RFESD: variants seen among roughly 807,000 people sequenced by gnomAD.
The protein encoded by RFESD is Rieske Fe-S domain containing, also known as Rieske domain-containing protein.
In RFESD, 16 loss-of-function variants were observed where a neutral mutation model predicts 24.4. The ratio of observed to expected loss-of-function variants is 0.66; its 90% CI spans 0.44 to 1.00. RFESD has a LOEUF of 1.00. Among genes scored for constraint, RFESD ranks in the 50% least tolerant of loss-of-function variants. RFESD has a pLI of 0.00. For missense variants in RFESD, 208 were observed against 247.0 expected (o/e 0.84, Z 1.06); for synonymous variants, 59 against 81.8 (o/e 0.72, Z 1.50).
chr5:95,647,671 G>C (rs184757801), intron 1 of RFESD: 2 of 151,662 alleles, frequency 1.3e-5, no homozygotes, highest in African/African-American at 2.4e-5. Flanking sequence ...ACCATCTTTG[G>C]TGACAAATAT....
In RFESD at chr5:95,656,819, C is replaced by T. The variant is rs980374747; in HGVS notation, c.*510C>T. On this transcript the variant is annotated 3_prime_UTR_variant, in exon 6 of 6. Transcript: ENST00000380005. ...TATTTATACCTCTGTGGATTTGCTA[C>T]CTCTCCTATTTGATTGTTATTTTTA... The T allele has an allele frequency of 9.8e-5, 15 of 152,708 alleles. No individual in the cohort carries two copies. The highest frequency in any genetic ancestry group is 3.6e-4 in the African/African-American group (15 of 41,426). 9.5% of individuals were successfully genotyped at this position (152,708 alleles called of 1,614,324 possible).
chr5:95,654,455 G>A, intron 5 of RFESD, 88 bp downstream of exon 5: 1 of 870,438 alleles, frequency 1.1e-6, no homozygotes, highest in Non-Finnish European at 1.8e-6. Flanking sequence ...ATATTTTAAT[G>A]CTTTGAATAT....
intron 1 of RFESD, chr5:95,647,330 T>C (rs967768306): frequency 2.0e-5 from 3 of 152,272 alleles, no homozygotes; most frequent in African/African-American, 7.2e-5. Context: ...GCTAACGCGC[T>C]GTGAGCGTTT....
intron 5 of RFESD, among the ~76,000 whole-genome samples, chr5:95,654,854 A>G (rs213510): frequency 0.34 from 51,711 of 151,310 alleles, 8,760 homozygotes; most frequent in Middle Eastern, 0.42. Context: ...TTTTTACTGT[A>G]TACACTGTGC....
chr5:95,650,957 G>T (rs1036981300), intron 1 of RFESD, among the ~76,000 whole-genome samples: 1 of 152,016 alleles, frequency 6.6e-6, no homozygotes, highest in Admixed American at 6.6e-5. Context: ...AATTATCCGG[G>T]TGTGGTGGCG....
Position 95,656,399 on chromosome 5 carries a change from T to C in RFESD, c.*90T>C. 1 of 1,010,244 alleles carries C rather than the reference T, an allele frequency of 9.9e-7. No homozygotes were observed. Among genetic ancestry groups the C allele is most frequent in the Non-Finnish European group, 1.5e-6 (1 of 689,630 alleles). 62.6% of individuals were successfully genotyped at this position (1,010,244 alleles called of 1,614,324 possible). On this transcript the variant is annotated 3_prime_UTR_variant, in exon 6 of 6. Coordinates refer to ENST00000380005, the MANE Select transcript of RFESD (RefSeq NM_001131066.2). ...TCAGTTTTAAAGGTGATGAAATTTT[T>C]CAACATAGGCACAACTGTTTAAAAT...
intron 3 of RFESD, among the ~76,000 whole-genome samples, chr5:95,653,415 T>C (rs1270703677): frequency 6.6e-6 from 1 of 152,272 alleles, no homozygotes; most frequent in Non-Finnish European, 1.5e-5. Flanking sequence ...GAATGTTGTT[T>C]AGTGTTGAAT....
intron 5 of RFESD, 130 bp from the exon 6 acceptor site, chr5:95,655,916 T>G (rs934854147): frequency 9.2e-6 from 7 of 758,238 alleles, no homozygotes; most frequent in Non-Finnish European, 1.5e-5. Flanking sequence ...TGCTGAATAA[T>G]TTGTACATAG....
chr5:95,654,463 T>C (rs1750600843), intron 5 of RFESD, 96 bp downstream of exon 5: 1 of 843,384 alleles, frequency 1.2e-6, no homozygotes, highest in African/African-American at 1.7e-5. Context: ...ATGCTTTGAA[T>C]ATAATTCCAA....
chr5:95,650,344 CCT>C (rs1240837859), intron 1 of RFESD, among the ~76,000 whole-genome samples: 1 of 152,108 alleles, frequency 6.6e-6, no homozygotes, highest in African/African-American at 2.4e-5. Flanking sequence ...ATTCAAAGCC[CCT>C]GTCTCTCCCC....
chr5:95,657,579 G>A lies in RFESD; in HGVS notation c.*1270G>A, dbSNP rs985007273. ...CTAATACTTAACATTCTAAGGAGCC[G>A]ACCTGGACTCTTTCTCTTGGTTATT... On this transcript the variant is annotated 3_prime_UTR_variant, in exon 6 of 6. Transcript: ENST00000380005. The A allele has an allele frequency of 1.3e-5, 2 of 152,044 alleles. No homozygotes were observed. The highest frequency in any genetic ancestry group is 4.8e-5 in the African/African-American group (2 of 41,402). 9.4% of individuals were successfully genotyped at this position (152,044 alleles called of 1,614,324 possible). A position where few individuals can be genotyped will look rare whatever the true frequency, so the allele number is the denominator to read the frequency against.
rs1370305660 is a variant in RFESD at position 95,657,602 on chromosome 5, A to G, written c.*1293A>G. 1 of 152,128 alleles carries G rather than the reference A, an allele frequency of 6.6e-6. No homozygotes were observed. Among genetic ancestry groups the G allele is most frequent in the African/African-American group, 2.4e-5 (1 of 41,430 alleles). The allele number at this position is 152,128 out of a possible 1,614,324, so 9.4% of individuals were successfully genotyped here. A position where few individuals can be genotyped will look rare whatever the true frequency, so the allele number is the denominator to read the frequency against. The stretch of plus-strand genomic sequence containing the variant: ...CCGACCTGGACTCTTTCTCTTGGTT[A>G]TTATAAAAATAGTAAATGAGTAAGG... On this transcript the variant is annotated 3_prime_UTR_variant, in exon 6 of 6. Transcript: ENST00000380005.
chr5:95,647,403 AC>A (rs1158258354), intron 1 of RFESD: 1 of 152,156 alleles, frequency 6.6e-6, no homozygotes, highest in Non-Finnish European at 1.5e-5. Flanking sequence ...CTTTACCCAC[AC>A]CCCTATGTGG....
At chr5:95,652,392 ACTTT>A in intron 2 of RFESD, 61 bp downstream of exon 2, 1 of 1,535,268 alleles carries the variant, frequency 6.5e-7, no homozygotes, top group Non-Finnish European at 8.8e-7. Context: ...GAAATTCTCG[ACTTT>A]AGTCTCATAT....
In RFESD at chr5:95,656,252, G is replaced by C. The variant is rs746838760; in HGVS notation, c.576G>C (p.Lys192Asn). 7 of 1,613,428 alleles carry C rather than the reference G, an allele frequency of 4.3e-6. No homozygotes were observed. In the South Asian group the frequency reaches 7.7e-5, roughly 18 times the overall value. Residue 192 changes from lysine to asparagine, a missense_variant, in exon 6 of 6, where the codon AAG (lysine) becomes AAC (asparagine). Lys to Asn is a moderately conservative substitution (Grantham distance 94). Transcript: ENST00000380005. ...IYVTLSNEPFKCDSDFYATGD... is the reference protein window; with the variant it reads ...IYVTLSNEPFNCDSDFYATGD... ...TGACTCTTTCTAATGAACCTTTTAAGTGTGACTCTGATTTTTATGCCACTG... is the reference window on the plus strand; with the variant it reads ...TGACTCTTTCTAATGAACCTTTTAACTGTGACTCTGATTTTTATGCCACTG...
chr5:95,653,266 C>T lies in RFESD; in HGVS notation c.158+52C>T, dbSNP rs1290940311. 4 of 1,548,512 alleles carry T rather than the reference C, an allele frequency of 2.6e-6. No homozygotes were observed. In the African/African-American group the frequency reaches 5.5e-5, roughly 21 times the overall value. On this transcript the variant is annotated intron_variant, in intron 3 of 5. Transcript: ENST00000380005. ...TACCCACCTTCTCTTGCTGTAATAG[C>T]TATCTGGTTGTGCCTGTAAGAGCCA...
chr5:95,653,202 G>A lies in RFESD; in HGVS notation c.146G>A (p.Ser49Asn). 1.9e-6 allele frequency: 3 copies of A among 1,551,646 alleles called. No individual in the cohort carries two copies. Among genetic ancestry groups the A allele is most frequent in the Non-Finnish European group, 2.6e-6 (3 of 1,146,976 alleles). ...AGCTCAGCTGTCATCTCAGTGACCA[G>A]TTTTTATCTGAGGTAAGAAAATGAA... The part of the protein sequence containing the change: ...HFSSAVISVT[S>N]FYLSMNLDGS... Residue 49 changes from serine to asparagine, a missense_variant, in exon 3 of 6, where the codon AGT becomes AAT. By Grantham distance (46) the Ser-to-Asn change is conservative (BLOSUM62 1). Coordinates refer to ENST00000380005, the MANE Select transcript of RFESD (RefSeq NM_001131066.2).
Position 95,656,216 on chromosome 5 carries a change from A to T in RFESD, c.540A>T (p.Gly180=), listed in dbSNP as rs1750751012. The stretch of plus-strand genomic sequence containing the variant: ...TTCACACAGTGACAGTAGACAACGG[A>T]AATATTTATGTGACTCTTTCTAATG... ...QRIHTVTVDN[G]NIYVTLSNEP... The change falls in exon 6 of 6, where the codon GGA becomes GGT. Residue 180 remains glycine, a synonymous_variant. Transcript: ENST00000380005. 1 of 1,614,002 alleles carries T rather than the reference A, an allele frequency of 6.2e-7. No individual in the cohort carries two copies. The highest frequency in any genetic ancestry group is 8.5e-7 in the Non-Finnish European group (1 of 1,179,862).
chr5:95,647,499 C>T (rs1384182271), intron 1 of RFESD: 2 of 152,188 alleles, frequency 1.3e-5, no homozygotes, highest in Non-Finnish European at 2.9e-5. Flanking sequence ...GATGCAAACC[C>T]AGGTCTAGCT....
Sources: gnomAD v4.1 joint callset for allele counts (sites outside exome capture counted in the v4.1 genomes callset) on GRCh38, gnomAD v4.1.1 for gene constraint, MANE v1.5 for transcripts, NCBI Gene and HGNC (gene_info 2026-07-23, HGNC 2026-07-21) for gene names.